The following PLEKHA8 variants were observed in gnomAD, a reference collection of about 807,000 sequenced individuals.
The protein encoded by PLEKHA8 is pleckstrin homology domain containing A8, also known as pleckstrin homology domain-containing family A member 8.
In PLEKHA8, 36 loss-of-function variants were observed where a neutral mutation model predicts 68.2. That is an observed-to-expected ratio of 0.53 (90% CI 0.40 to 0.70). PLEKHA8 has a LOEUF of 0.70. Ranked by LOEUF, PLEKHA8 falls within the 30% of genes least tolerant of loss-of-function variation. The pLI, the probability that PLEKHA8 is intolerant of heterozygous loss-of-function variation, is 0.00. For missense variants in PLEKHA8, 505 were observed against 615.4 expected (o/e 0.82, Z 1.90); for synonymous variants, 211 against 216.1 (o/e 0.98, Z 0.20).
At chr7:30,076,370 C>T (rs1480467563) in intron 13 of PLEKHA8, among the ~76,000 whole-genome samples, 1 of 152,104 alleles carries the variant, frequency 6.6e-6, no homozygotes, top group East Asian at 1.9e-4. Context: ...AATAAAACAG[C>T]ATCTGTTTAT....
intron 13 of PLEKHA8, among the ~76,000 whole-genome samples, chr7:30,107,408 A>G (rs1365041239): frequency 6.6e-6 from 1 of 152,082 alleles, no homozygotes; most frequent in Non-Finnish European, 1.5e-5. Flanking sequence ...TACATTTTCT[A>G]ATTTTTGTTG....
At chr7:30,104,026 T>G (rs542700531) in intron 13 of PLEKHA8, among the ~76,000 whole-genome samples, 1 of 152,164 alleles carries the variant, frequency 6.6e-6, no homozygotes, top group African/African-American at 2.4e-5. Context: ...AACAAATTAT[T>G]TAAAAAATGC....
chr7:30,109,389 C>A (rs1242496729), intron 13 of PLEKHA8, among the ~76,000 whole-genome samples: 1 of 151,926 alleles, frequency 6.6e-6, no homozygotes, highest in African/African-American at 2.4e-5. Context: ...GAGTTCGCGA[C>A]TAGCCTGGCC....
chr7:30,035,855 C>T (rs1031330215), intron 1 of PLEKHA8, among the ~76,000 whole-genome samples: 2 of 151,958 alleles, frequency 1.3e-5, no homozygotes, highest in South Asian at 2.1e-4. Flanking sequence ...ACCATGTTGG[C>T]TAGGCTGGTC....
At chr7:30,064,466 CCAGGAGGT>C (rs1793676540) in intron 12 of PLEKHA8, among the ~76,000 whole-genome samples, 2 of 152,050 alleles carry the variant, frequency 1.3e-5, no homozygotes, top group Admixed American at 1.3e-4. Context: ...TTGCTTGAAC[CCAGGAGGT>C]CAAGGCTGCA....
rs555863378 is a variant in PLEKHA8, at chr7:30,107,579, A to G, written c.1363-21687A>G. Among the ~76,000 whole-genome samples the G allele has an allele frequency of 5.3e-5, 8 of 152,258 alleles. No homozygotes were observed. The East Asian group carries it at 1.5e-3, about 29-fold the overall frequency. On this transcript the variant is annotated intron_variant, in intron 13 of 13. Transcript: ENST00000396257. ...TTATATAAGCAAAAAGGTTTTATAC[A>G]ATGCTGAATAGAAGTGGCCATAGAA...
At chr7:30,104,913 G>A (rs1796004210) in intron 13 of PLEKHA8, among the ~76,000 whole-genome samples, 1 of 151,680 alleles carries the variant, frequency 6.6e-6, no homozygotes, top group South Asian at 2.1e-4. Flanking sequence ...AGTAGAGATG[G>A]GGTTTCACCA....
At chr7:30,095,671 A>G (rs559560829), downstream of PLEKHA8, among the ~76,000 whole-genome samples, 210 of 152,204 alleles carry the variant, frequency 1.4e-3, no homozygotes, top group African/African-American at 4.8e-3. Context: ...TAACATGTAA[A>G]TCTTTAATCC....
At chr7:30,118,793 G>T (rs1255295170) in intron 13 of PLEKHA8, among the ~76,000 whole-genome samples, 3 of 152,158 alleles carry the variant, frequency 2.0e-5, no homozygotes, top group Non-Finnish European at 4.4e-5. Flanking sequence ...TAGCCAGGAT[G>T]ATCTCGATCT....
In PLEKHA8 at chr7:30,046,224, A is replaced by C; in HGVS notation, c.172A>C (p.Asn58His). ...CTTGCTCCCAGTTCATTCTGTAGAT[A>C]ATACACGCATGGACCTGATAATCCC... ...VCEIQVHSVD[N>H]TRMDLIIPGE... Residue 58 changes from asparagine (N) to histidine (H), a missense_variant, in exon 3 of 14, where the codon AAT becomes CAT. Transcript: ENST00000449726. 2 of 1,608,230 alleles carry C rather than the reference A, an allele frequency of 1.2e-6. No homozygotes were observed.
At chr7:30,075,537 A>T (rs1486097880) in intron 13 of PLEKHA8, among the ~76,000 whole-genome samples, 2 of 152,168 alleles carry the variant, frequency 1.3e-5, no homozygotes, top group African/African-American at 4.8e-5. Context: ...CAGATCTGTT[A>T]TCTCCAAGGT....
At chr7:30,053,285 C>T (rs183196468) in intron 7 of PLEKHA8, among the ~76,000 whole-genome samples, 3 of 152,170 alleles carry the variant, frequency 2.0e-5, no homozygotes, top group Admixed American at 6.5e-5. Context: ...TCTACGCAGT[C>T]TTCTCTGTTT....
chr7:30,108,701 G>A (rs1269617883), intron 13 of PLEKHA8, among the ~76,000 whole-genome samples: 1 of 152,130 alleles, frequency 6.6e-6, no homozygotes, highest in Non-Finnish European at 1.5e-5. Flanking sequence ...AACTTACTCT[G>A]TGCAGTCTGG....
At chr7:30,078,469 C>A in intron 13 of PLEKHA8, 121 bp from the exon 14 acceptor site, 2 of 1,045,080 alleles carry the variant, frequency 1.9e-6, no homozygotes, top group Non-Finnish European at 1.4e-6. Context: ...TATTTCTTTA[C>A]TCTTGCTCTT....
chr7:30,106,425 C>T (rs2128014564), intron 13 of PLEKHA8, among the ~76,000 whole-genome samples: 1 of 152,232 alleles, frequency 6.6e-6, no homozygotes, highest in African/African-American at 2.4e-5. Context: ...TTAATTTTAT[C>T]TTTTTCCTTA....
intron 1 of PLEKHA8, among the ~76,000 whole-genome samples, chr7:30,042,327 T>C (rs1266447709): frequency 6.6e-6 from 1 of 152,220 alleles, no homozygotes; most frequent in African/African-American, 2.4e-5. Flanking sequence ...ATAATATCTT[T>C]ACACAGACAC....
chr7:30,048,748 T>TA (rs34387628), intron 4 of PLEKHA8, among the ~76,000 whole-genome samples: 1 of 151,394 alleles, frequency 6.6e-6, no homozygotes, highest in Non-Finnish European at 1.5e-5. Flanking sequence ...CGAGTTTTTC[T>TA]AAAAAAGGTG....
At chr7:30,128,251 C>G (rs929760346) in intron 13 of PLEKHA8, among the ~76,000 whole-genome samples, 5 of 152,110 alleles carry the variant, frequency 3.3e-5, no homozygotes, top group African/African-American at 1.2e-4. Flanking sequence ...GGATTACAGG[C>G]ATAGGCCACC....
Position 30,083,026 on chromosome 7 carries a change from C to A in PLEKHA8, c.*4239C>A. ...TTCAGCTCTCCCTCATGTTTCATTT[C>A]TTTTTTTAAGATAATCTATCAACCT... On this transcript the variant is annotated 3_prime_UTR_variant, in exon 14 of 14. Transcript: ENST00000449726. 1 of 984,076 alleles carries A rather than the reference C, an allele frequency of 1.0e-6. No individual in the cohort carries two copies. Among genetic ancestry groups the A allele is most frequent in the South Asian group, 4.7e-5 (1 of 21,264 alleles). 61.0% of individuals were successfully genotyped at this position (984,076 alleles called of 1,614,324 possible). A position where few individuals can be genotyped will look rare whatever the true frequency, so the allele number is the denominator to read the frequency against.
Sources: gnomAD v4.1 joint callset for allele counts (sites outside exome capture counted in the v4.1 genomes callset) on GRCh38, gnomAD v4.1.1 for gene constraint, MANE v1.5 for transcripts, NCBI Gene and HGNC (gene_info 2026-07-23, HGNC 2026-07-21) for gene names.